WFDC11: variants seen among roughly 807,000 people sequenced by gnomAD.
WFDC11 encodes WAP four-disulfide core domain 11, also known as protein WFDC11.
Under a neutral mutation model 9.9 loss-of-function variants are expected in WFDC11, and 9 were observed. The observed-to-expected ratio is 0.91, with a 90% confidence interval of 0.55 to 1.58. The LOEUF is 1.58. Ranked by LOEUF, WFDC11 falls within the 40% of genes most tolerant of loss-of-function variation. The pLI, the probability that WFDC11 is intolerant of heterozygous loss-of-function variation, is 0.00. For missense variants in WFDC11, 106 were observed against 101.7 expected, an observed-to-expected ratio of 1.04 and a Z score of -0.18; for synonymous variants, 32 against 33.3, an observed-to-expected ratio of 0.96 and a Z score of 0.13.
At chr20:45,661,511 G>C (rs574766619) in intron 2 of WFDC11, among the ~76,000 whole-genome samples, 1 of 152,206 alleles carries the variant, frequency 6.6e-6, no homozygotes, top group Admixed American at 6.5e-5. Context: ...GTCCTGAATG[G>C]CAATGCCTAG....
intron 1 of WFDC11, among the ~76,000 whole-genome samples, chr20:45,668,074 G>A (rs1983223412): frequency 6.6e-6 from 1 of 152,206 alleles, no homozygotes; most frequent in Admixed American, 6.5e-5. Context: ...GTAGAAACAA[G>A]ATTTGAAAGG....
At chr20:45,660,841 A>C (rs982821989) in intron 2 of WFDC11, among the ~76,000 whole-genome samples, 2 of 152,166 alleles carry the variant, frequency 1.3e-5, no homozygotes, top group Non-Finnish European at 1.5e-5. Context: ...CTCGGTTCCA[A>C]GTCTTTGCTA....
rs557904753 is a variant in WFDC11, at chr20:45,651,424, C to A, written c.-51-773G>T. Among the ~76,000 whole-genome samples, 4 of 152,110 alleles carry A rather than the reference C, an allele frequency of 2.6e-5. No homozygotes were observed. In the East Asian group the frequency reaches 7.7e-4, roughly 29 times the overall value. ...TTTGTTTTTGTTGTTGCATAATATT[C>A]CATTCTGTGAATATGTCACACAATA... On this transcript the variant is annotated intron_variant, in intron 2 of 4. Coordinates refer to ENST00000324384, the MANE Select transcript of WFDC11 (RefSeq NM_147197.2).
intron 3 of WFDC11, among the ~76,000 whole-genome samples, chr20:45,649,986 G>A (rs1161621956): frequency 6.6e-6 from 1 of 151,998 alleles, no homozygotes; most frequent in Non-Finnish European, 1.5e-5. Context: ...ACTAAGAAGG[G>A]ATCTCAAGCC....
At chr20:45,665,672 G>A (rs962751095) in intron 2 of WFDC11, among the ~76,000 whole-genome samples, 2 of 152,126 alleles carry the variant, frequency 1.3e-5, no homozygotes, top group African/African-American at 4.8e-5. Flanking sequence ...TAATAGTCAG[G>A]TCCCTCAGCT....
intron 2 of WFDC11, among the ~76,000 whole-genome samples, chr20:45,658,208 T>A (rs537690494): frequency 3.3e-5 from 5 of 151,628 alleles, no homozygotes; most frequent in South Asian, 4.2e-4. Context: ...TACTTATTAT[T>A]TGGTGTGTGT....
At chr20:45,664,657 AT>A (rs1247071232) in intron 2 of WFDC11, among the ~76,000 whole-genome samples, 2 of 152,154 alleles carry the variant, frequency 1.3e-5, no homozygotes, top group Non-Finnish European at 2.9e-5. Flanking sequence ...AAAGGATTTT[AT>A]TTCTCCTTCA....
chr20:45,657,670 C>T (rs1281997195), intron 2 of WFDC11, among the ~76,000 whole-genome samples: 1 of 152,178 alleles, frequency 6.6e-6, no homozygotes, highest in African/African-American at 2.4e-5. Flanking sequence ...GTACACTATT[C>T]TTCTGCACAT....
At chr20:45,656,644 C>A (rs1330441652) in intron 2 of WFDC11, among the ~76,000 whole-genome samples, 1 of 151,836 alleles carries the variant, frequency 6.6e-6, no homozygotes, top group East Asian at 1.9e-4. Flanking sequence ...TCAGAGTGAA[C>A]AGGCAACCTA....
intron 2 of WFDC11, among the ~76,000 whole-genome samples, chr20:45,666,274 G>A (rs1241785362): frequency 6.6e-6 from 1 of 152,184 alleles, no homozygotes; most frequent in Non-Finnish European, 1.5e-5. Context: ...CTAAGACCTT[G>A]GGAAAAGCAC....
chr20:45,657,134 G>A (rs1006047751), intron 2 of WFDC11, among the ~76,000 whole-genome samples: 16 of 152,220 alleles, frequency 1.1e-4, no homozygotes, highest in African/African-American at 3.4e-4. Context: ...ACATGCACAC[G>A]TATGTTTATT....
Position 45,664,450 on chromosome 20 carries a change from A to G in WFDC11, c.-52+2638T>C, listed in dbSNP as rs144262165. Reference sequence around the variant, plus strand: ...AAGGTTAATATTGTGTGTGAATTTGATCCTGTCATTATGATGTTAGCTGGT... The same window carrying G: ...AAGGTTAATATTGTGTGTGAATTTGGTCCTGTCATTATGATGTTAGCTGGT... On this transcript the variant is annotated intron_variant, in intron 2 of 4. Coordinates refer to ENST00000324384, the MANE Select transcript of WFDC11 (RefSeq NM_147197.2). 6.8e-3 allele frequency among the ~76,000 whole-genome samples: 1,035 copies of G among 152,192 alleles called. 15 individuals carry two copies. Among genetic ancestry groups the G allele is most frequent in the East Asian group, 0.046 (241 of 5,184 alleles).
At chr20:45,651,908 G>A (rs535390183) in intron 2 of WFDC11, among the ~76,000 whole-genome samples, 29 of 152,188 alleles carry the variant, frequency 1.9e-4, no homozygotes, top group Non-Finnish European at 3.2e-4. Flanking sequence ...CTCCATTGCC[G>A]AGGTTTGAGT....
chr20:45,651,568 G>A (rs541876460), intron 2 of WFDC11, among the ~76,000 whole-genome samples: 169 of 152,260 alleles, frequency 1.1e-3, no homozygotes, highest in Non-Finnish European at 1.6e-3. Context: ...CTGAGGTACC[G>A]GGTTCATCTC....
At chr20:45,651,716 GA>G (rs552673072) in intron 2 of WFDC11, among the ~76,000 whole-genome samples, 103 of 152,298 alleles carry the variant, frequency 6.8e-4, no homozygotes, top group Non-Finnish European at 9.7e-4. Context: ...ACGGCACCTG[GA>G]AAATCGGGTC....
chr20:45,649,579 C>G (rs1025820409), intron 3 of WFDC11, among the ~76,000 whole-genome samples, 180 bp from the exon 4 acceptor site: 2 of 152,202 alleles, frequency 1.3e-5, no homozygotes, highest in Admixed American at 6.5e-5. Flanking sequence ...TGTCATTATA[C>G]ATTCACTGAC....
chr20:45,650,530 A>C lies in WFDC11; in HGVS notation c.71T>G (p.Leu24Arg), dbSNP rs1452466721. ...TFFCTVLLSV[L>R]GEMRKKRYDR... ...ATATCTTTTCTTCCTCATTTCTCCC[A>C]GCACAGACAGTAGCACCGTACAGAA... Residue 24 changes from leucine to arginine, a missense_variant, in exon 3 of 5, where the codon CTG (leucine) becomes CGG (arginine). Coordinates refer to ENST00000324384, the MANE Select transcript of WFDC11 (RefSeq NM_147197.2). 1.2e-6 allele frequency: 2 copies of C among 1,613,842 alleles called. No individual in the cohort carries two copies. Among genetic ancestry groups the C allele is most frequent in the South Asian group, 2.2e-5 (2 of 91,056 alleles).
At chr20:45,669,643 C>G (rs1176000939) in intron 1 of WFDC11, among the ~76,000 whole-genome samples, 10 of 152,052 alleles carry the variant, frequency 6.6e-5, no homozygotes, top group Non-Finnish European at 7.4e-5. Flanking sequence ...AAAGATACAA[C>G]ATACCAAAAT....
chr20:45,660,090 C>T (rs1016857273), intron 2 of WFDC11, among the ~76,000 whole-genome samples: 2 of 152,080 alleles, frequency 1.3e-5, no homozygotes, highest in African/African-American at 4.8e-5. Context: ...TCTCTAGTCC[C>T]TTGAGCTGTG....
Sources: gnomAD v4.1 joint callset for allele counts (sites outside exome capture counted in the v4.1 genomes callset) on GRCh38, gnomAD v4.1.1 for gene constraint, MANE v1.5 for transcripts, NCBI Gene and HGNC (gene_info 2026-07-23, HGNC 2026-07-21) for gene names.